The following DGCR2 variants were observed in gnomAD, a reference collection of about 807,000 sequenced individuals.
The protein encoded by DGCR2 is DiGeorge syndrome critical region gene 2, also known as integral membrane protein DGCR2/IDD.
In DGCR2, 24 loss-of-function variants were observed where a neutral mutation model predicts 51.6. The observed-to-expected ratio is 0.47, with a 90% confidence interval of 0.34 to 0.65. The LOEUF (loss-of-function observed/expected upper bound fraction) is 0.65. Ranked by LOEUF, DGCR2 falls within the 30% of genes least tolerant of loss-of-function variation. The probability of loss-of-function intolerance (pLI) is 0.01; values close to 1 mark genes in which losing one functional copy is unlikely to be tolerated. For missense variants in DGCR2, 765 were observed against 772.1 expected (o/e 0.99, Z 0.11); for synonymous variants, 340 against 315.4 (o/e 1.08, Z -0.82).
At chr22:19,094,108 G>C (rs1049313764) in intron 1 of DGCR2, among the ~76,000 whole-genome samples, 1 of 152,214 alleles carries the variant, frequency 6.6e-6, no homozygotes, top group Non-Finnish European at 1.5e-5. Flanking sequence ...GATGCTCAAC[G>C]TCTAGTCATT....
intron 2 of DGCR2, among the ~76,000 whole-genome samples, chr22:19,086,476 C>T (rs1442354857): frequency 1.3e-5 from 2 of 151,874 alleles, no homozygotes; most frequent in Admixed American, 6.6e-5. Context: ...GAGACTCCAT[C>T]TCAAATAAAA....
chr22:19,081,881 G>A (rs1231863232), intron 2 of DGCR2, among the ~76,000 whole-genome samples: 2 of 152,138 alleles, frequency 1.3e-5, no homozygotes, highest in Admixed American at 6.5e-5. Context: ...GAATACTAAC[G>A]AGGTTAAATT....
At chr22:19,050,268 A>G (rs1444243481) in intron 6 of DGCR2, among the ~76,000 whole-genome samples, 7 of 152,262 alleles carry the variant, frequency 4.6e-5, no homozygotes, top group Admixed American at 3.9e-4. Flanking sequence ...GGGAACCCCA[A>G]TAAGACAAAC....
chr22:19,089,425 AG>A lies in DGCR2; in HGVS notation c.144del (p.Trp49GlyfsTer21). 6.2e-7 allele frequency: 1 copy of A among 1,610,226 alleles called. No homozygotes were observed. The highest frequency in any genetic ancestry group is 8.5e-7 in the Non-Finnish European group (1 of 1,178,230). ...RSGTIQCIPL[P>X]WQCDGWATCE... ...CAAGTCGCCCAGCCGTCACACTGCC[AG>A]GGGAGGGGGATGCACTGGATGGTGC... On this transcript the variant is annotated frameshift_variant, in exon 2 of 10. Coordinates refer to ENST00000263196, the MANE Select transcript of DGCR2 (RefSeq NM_005137.3). LOFTEE classifies it high-confidence loss of function.
At chr22:19,080,824 ACT>A (rs2082928087) in intron 2 of DGCR2, among the ~76,000 whole-genome samples, 1 of 152,088 alleles carries the variant, frequency 6.6e-6, no homozygotes, top group South Asian at 2.1e-4. Context: ...ACAGAGCAAG[ACT>A]CTGTCTCAAA....
chr22:19,077,076 T>C (rs1243258144), intron 2 of DGCR2, among the ~76,000 whole-genome samples: 2 of 152,224 alleles, frequency 1.3e-5, no homozygotes, highest in Non-Finnish European at 2.9e-5. Flanking sequence ...GTGGGAATTC[T>C]TTTTATATTT....
Position 19,048,506 on chromosome 22 carries a change from G to T in DGCR2, c.940C>A (p.Pro314Thr). The change falls in exon 7 of 10, where the codon CCC becomes ACC. Residue 314 changes from proline to threonine, a missense_variant. Pro to Thr is a conservative substitution (Grantham distance 38). Around this residue, in one of 3 missense-constraint regions of DGCR2, gnomAD observed 190 missense variants for 265.2 expected, o/e 0.72. Transcript: ENST00000263196. The stretch of plus-strand genomic sequence containing the variant: ...TTGCGGTACTGTTGGCAGCCCTGGG[G>T]CCTCTCACAGAGAGCAGCCACACAC... Reference protein sequence around the residue: ...EMCVAALCERPQGCQQYRKDP... With the variant: ...EMCVAALCERTQGCQQYRKDP... The T allele has an allele frequency of 6.2e-7, 1 of 1,614,152 alleles. No individual in the cohort carries two copies. The highest frequency in any genetic ancestry group is 8.5e-7 in the Non-Finnish European group (1 of 1,180,032).
rs1271921847 is a variant in DGCR2, at chr22:19,037,661, ATG to A, written c.*1202_*1203del. On this transcript the variant is annotated 3_prime_UTR_variant, in exon 10 of 10. Transcript: ENST00000263196. ...GACATTCAACGTAGAAAAGATATGG[ATG>A]TGCTAAAAATCGCACAGAACCCGCT... 6.6e-6 allele frequency: 1 copy of A among 152,246 alleles called. No homozygotes were observed. The highest frequency in any genetic ancestry group is 1.5e-5 in the Non-Finnish European group (1 of 68,060). 9.4% of individuals were successfully genotyped at this position (152,246 alleles called of 1,614,324 possible). A position where few individuals can be genotyped will look rare whatever the true frequency, so the allele number is the denominator to read the frequency against.
chr22:19,055,105 G>A (rs924368110), intron 6 of DGCR2, among the ~76,000 whole-genome samples: 3 of 152,092 alleles, frequency 2.0e-5, no homozygotes, highest in Non-Finnish European at 2.9e-5. Flanking sequence ...GACGGGGCAA[G>A]ACTCTGTCTC....
At chr22:19,078,252 G>A (rs7289180) in intron 2 of DGCR2, among the ~76,000 whole-genome samples, 21,280 of 152,148 alleles carry the variant, frequency 0.14, 1,928 homozygotes, top group South Asian at 0.28. Flanking sequence ...AAAATTTTTC[G>A]ACTTTACAAT....
At chr22:19,088,611 C>G (rs1360987619) in intron 2 of DGCR2, among the ~76,000 whole-genome samples, 1 of 152,198 alleles carries the variant, frequency 6.6e-6, no homozygotes, top group Non-Finnish European at 1.5e-5. Flanking sequence ...GATTCTCAAG[C>G]TGGGGTAAGA....
At chr22:19,090,926 G>C (rs1281606444) in intron 1 of DGCR2, among the ~76,000 whole-genome samples, 1 of 152,008 alleles carries the variant, frequency 6.6e-6, no homozygotes, top group African/African-American at 2.4e-5. Context: ...CCAACTGAAA[G>C]GCAGAATTTG....
At chr22:19,039,437 A>C (rs1416038618) in intron 9 of DGCR2, among the ~76,000 whole-genome samples, 1 of 152,230 alleles carries the variant, frequency 6.6e-6, no homozygotes, top group Non-Finnish European at 1.5e-5. Context: ...ACCAGCAGTC[A>C]CTAGAACAGA....
At chr22:19,081,824 G>A (rs987575727) in intron 2 of DGCR2, among the ~76,000 whole-genome samples, 1 of 152,156 alleles carries the variant, frequency 6.6e-6, no homozygotes, top group African/African-American at 2.4e-5. Context: ...TTTAATTTTT[G>A]CCAGTCTAAG....
chr22:19,058,919 C>T (rs554532085), intron 5 of DGCR2, among the ~76,000 whole-genome samples: 1 of 152,258 alleles, frequency 6.6e-6, no homozygotes. Flanking sequence ...CTGTGTAGCG[C>T]CCCTGCCCAG....
At chr22:19,084,369 A>G (rs1342258415) in intron 2 of DGCR2, among the ~76,000 whole-genome samples, 4 of 148,070 alleles carry the variant, frequency 2.7e-5, no homozygotes, top group African/African-American at 1.0e-4. Context: ...CTGCCCGGCC[A>G]CGACCCCGTC....
intron 5 of DGCR2, among the ~76,000 whole-genome samples, chr22:19,060,385 A>G (rs569849746): frequency 6.6e-6 from 1 of 152,350 alleles, no homozygotes; most frequent in South Asian, 2.1e-4. Flanking sequence ...GAAGGCTTCT[A>G]CTAAGTCACA....
chr22:19,102,823 T>C (rs532370441), intron 1 of DGCR2, among the ~76,000 whole-genome samples: 3 of 151,950 alleles, frequency 2.0e-5, no homozygotes, highest in East Asian at 3.9e-4. Context: ...CCAGACAACA[T>C]AGTGAGACCT....
chr22:19,063,493 C>T (rs987915443), intron 4 of DGCR2, among the ~76,000 whole-genome samples: 5 of 151,740 alleles, frequency 3.3e-5, no homozygotes, highest in African/African-American at 1.2e-4. Flanking sequence ...CACAGGCCAC[C>T]ACGCCCAGCT....
Sources: allele counts gnomAD v4.1 joint callset (sites outside exome capture counted in the v4.1 genomes callset), GRCh38; gene constraint gnomAD v4.1.1; regional missense constraint gnomAD v4.1.1; transcripts MANE v1.5; gene names NCBI Gene and HGNC (gene_info 2026-07-23, HGNC 2026-07-21).